The following TSGA10 variants were observed in gnomAD, a reference collection of about 807,000 sequenced individuals.
The protein encoded by TSGA10 is testis-specific gene 10 protein.
In TSGA10, 43 loss-of-function variants were observed where a neutral mutation model predicts 96.6. That is an observed-to-expected ratio of 0.44 (90% CI 0.35 to 0.57). TSGA10 has a LOEUF of 0.57. Among genes scored for constraint, TSGA10 ranks in the 20% least tolerant of loss-of-function variants. The pLI, the probability that TSGA10 is intolerant of heterozygous loss-of-function variation, is 0.01. For missense variants in TSGA10, 703 were observed against 834.4 expected (o/e 0.84, Z 1.94); for synonymous variants, 229 against 269.9 (o/e 0.85, Z 1.48).
At chr2:99,102,152 G>C (rs1467292506) in intron 10 of TSGA10, 2 of 1,490,326 alleles carry the variant, frequency 1.3e-6, no homozygotes, top group East Asian at 4.5e-5. Context: ...TGGAGCTGAT[G>C]AATATACTTG....
At chr2:99,033,011 A>C (rs1049498083) in intron 17 of TSGA10, among the ~76,000 whole-genome samples, 1 of 152,206 alleles carries the variant, frequency 6.6e-6, no homozygotes, top group Non-Finnish European at 1.5e-5. Context: ...CAGACTACTC[A>C]AGTCTTTGAA....
chr2:99,060,947 T>C (rs1241755091), intron 16 of TSGA10, among the ~76,000 whole-genome samples: 1 of 152,152 alleles, frequency 6.6e-6, no homozygotes, highest in Non-Finnish European at 1.5e-5. Flanking sequence ...TAGATCTAAA[T>C]ATAAAATCTA....
intron 10 of TSGA10, among the ~76,000 whole-genome samples, chr2:99,087,131 G>T (rs1447211075): frequency 6.6e-6 from 1 of 152,038 alleles, no homozygotes; most frequent in Non-Finnish European, 1.5e-5. Context: ...GTGAACCCGG[G>T]AGGCAGAGCT....
At chr2:99,041,315 T>C (rs2082161375) in intron 16 of TSGA10, among the ~76,000 whole-genome samples, 1 of 152,222 alleles carries the variant, frequency 6.6e-6, no homozygotes, top group Non-Finnish European at 1.5e-5. Context: ...GGGAATTAAA[T>C]TTATGTTCAA....
Position 99,071,707 on chromosome 2 carries a change from T to G in TSGA10, c.1106A>C (p.Gln369Pro). 1 of 1,610,562 alleles carries G rather than the reference T, an allele frequency of 6.2e-7. No individual in the cohort carries two copies. Among genetic ancestry groups the G allele is most frequent in the East Asian group, 2.2e-5 (1 of 44,770 alleles). ...AAATGATTCTAGGAACAAGTGTACC[T>G]GGTTTTCTTGTTTAGCTTTAGCAAA... ...EQFAKAKQEN[Q>P]ALSKKLNDTH... The change falls in exon 14 of 21, where the codon CAG becomes CCG. Residue 369 changes from glutamine to proline, a missense_variant and splice_region_variant. Physicochemically the swap from Gln to Pro is moderately conservative, Grantham distance 76 (BLOSUM62 -1). Transcript: ENST00000393483.
chr2:99,129,204 A>C (rs2092958978), intron 1 of TSGA10, among the ~76,000 whole-genome samples: 1 of 152,132 alleles, frequency 6.6e-6, no homozygotes, highest in African/African-American at 2.4e-5. Context: ...ATCATCTCTT[A>C]ATTGATATTT....
At chr2:99,103,593 A>T (rs1299788553) in intron 10 of TSGA10, among the ~76,000 whole-genome samples, 2 of 152,194 alleles carry the variant, frequency 1.3e-5, no homozygotes, top group African/African-American at 4.8e-5. Flanking sequence ...GCAACTGCCA[A>T]ACCTGTGCTT....
chr2:99,005,907 A>G (rs1480097162), intron 20 of TSGA10, among the ~76,000 whole-genome samples: 1 of 152,254 alleles, frequency 6.6e-6, no homozygotes, highest in Non-Finnish European at 1.5e-5. Context: ...ACAAGGCTAC[A>G]GTAACCAAAA....
intron 18 of TSGA10, among the ~76,000 whole-genome samples, chr2:99,019,910 C>T (rs1042557607): frequency 2.0e-5 from 3 of 151,964 alleles, no homozygotes; most frequent in African/African-American, 7.2e-5. Flanking sequence ...GCAATAGGTA[C>T]AAAAGAAAAT....
rs1286240657 is a variant in TSGA10 at position 99,102,090 on chromosome 2, GA to G, written c.611+1876del. The G allele has an allele frequency of 2.9e-5, 43 of 1,483,050 alleles. No individual in the cohort carries two copies. In the African/African-American group the frequency reaches 5.7e-4, roughly 20 times the overall value. The allele number at this position is 1,483,050 out of a possible 1,614,324, so 91.9% of individuals were successfully genotyped here. A position where few individuals can be genotyped will look rare whatever the true frequency, so the allele number is the denominator to read the frequency against. On this transcript the variant is annotated intron_variant, in intron 10 of 20. Coordinates refer to ENST00000393483, the MANE Select transcript of TSGA10 (RefSeq NM_025244.4). ...GTTTGTAAATTTCTCTGAGCAGAAA[GA>G]AAAGTTAATAAAGCGACAAGAAGAG...
At chr2:99,145,073 A>G (rs2093618657) in intron 1 of TSGA10, among the ~76,000 whole-genome samples, 1 of 152,176 alleles carries the variant, frequency 6.6e-6, no homozygotes, top group South Asian at 2.1e-4. Flanking sequence ...TAAAATCAAG[A>G]TGTCAGGCAG....
At chr2:99,015,609 C>T (rs1397050240) in intron 20 of TSGA10, among the ~76,000 whole-genome samples, 2 of 152,160 alleles carry the variant, frequency 1.3e-5, no homozygotes, top group African/African-American at 4.8e-5. Context: ...TGCCCACTTT[C>T]ATCGCTTCTA....
intron 16 of TSGA10, among the ~76,000 whole-genome samples, chr2:99,052,953 T>A (rs560652206): frequency 6.6e-6 from 1 of 151,760 alleles, no homozygotes; most frequent in South Asian, 2.1e-4. Context: ...TCTCAGCTAC[T>A]TGGGAGGCTG....
rs1416452921 is a variant in TSGA10, at chr2:99,154,868, G to A, written c.-796C>T. On this transcript the variant is annotated 5_prime_UTR_variant, in exon 1 of 21. Transcript: ENST00000393483. ...CTCCTGCGGGCTGCCGGGACCCCAC[G>A]GCTCCGCAGGCGGAGAGACTAGGCG... 2.8e-6 allele frequency: 1 copy of A among 354,618 alleles called. No homozygotes were observed. Among genetic ancestry groups the A allele is most frequent in the South Asian group, 2.0e-5 (1 of 49,516 alleles). 22.0% of individuals were successfully genotyped at this position (354,618 alleles called of 1,614,324 possible).
intron 1 of TSGA10, chr2:99,147,642 G>T: frequency 1.5e-6 from 1 of 688,624 alleles, no homozygotes; most frequent in Non-Finnish European, 2.3e-6. Flanking sequence ...AGAGTTTTGT[G>T]TTTTTTAAAA....
intron 1 of TSGA10, among the ~76,000 whole-genome samples, chr2:99,153,485 G>A (rs1224496194): frequency 6.6e-6 from 1 of 152,144 alleles, no homozygotes; most frequent in African/African-American, 2.4e-5. Context: ...GTAGGTAAAG[G>A]TAAGAATAAC....
chr2:99,103,953 G>A lies in TSGA10; in HGVS notation c.611+14C>T, dbSNP rs1240243985. ...ATAGTAAACTGTTGGTTGTTTAAAGGTGATTTAGTTTACCTCAAAGAATTA... is the reference window on the plus strand; with the variant it reads ...ATAGTAAACTGTTGGTTGTTTAAAGATGATTTAGTTTACCTCAAAGAATTA... On this transcript the variant is annotated intron_variant, in intron 10 of 20. Coordinates refer to ENST00000393483, the MANE Select transcript of TSGA10 (RefSeq NM_025244.4). The A allele has an allele frequency of 1.2e-6, 2 of 1,612,914 alleles. No homozygotes were observed. The highest frequency in any genetic ancestry group is 1.3e-5 in the African/African-American group (1 of 74,856).
rs1056543874 is a variant in TSGA10 at position 99,037,980 on chromosome 2, T to G, written c.1405-2541A>C. Among the ~76,000 whole-genome samples the G allele has an allele frequency of 2.0e-5, 3 of 151,500 alleles. No homozygotes were observed. The South Asian group carries it at 6.3e-4, about 32-fold the overall frequency. On this transcript the variant is annotated intron_variant, in intron 16 of 20. Coordinates refer to ENST00000393483, the MANE Select transcript of TSGA10 (RefSeq NM_025244.4). ...ATTTCTTAGCAGAAACCATACAAGCTAGAAGGGATTGGGGTCCTATCTTTT... is the reference window on the plus strand; with the variant it reads ...ATTTCTTAGCAGAAACCATACAAGCGAGAAGGGATTGGGGTCCTATCTTTT...
At chr2:99,001,213 C>T (rs536348477) in intron 20 of TSGA10, among the ~76,000 whole-genome samples, 4 of 152,276 alleles carry the variant, frequency 2.6e-5, no homozygotes, top group African/African-American at 7.2e-5. Flanking sequence ...CTCAGGGACA[C>T]CTCCCAGTAG....
Sources: gnomAD v4.1 joint callset for allele counts (sites outside exome capture counted in the v4.1 genomes callset) on GRCh38, gnomAD v4.1.1 for gene constraint, MANE v1.5 for transcripts, NCBI Gene and HGNC (gene_info 2026-07-23, HGNC 2026-07-21) for gene names.